Variants in KIF17 observed in about 807,000 individuals in gnomAD.
The protein encoded by KIF17 is kinesin family member 17.
A neutral mutation model predicts 96.8 loss-of-function variants in KIF17; 80 were observed. The ratio of observed to expected loss-of-function variants is 0.83; its 90% CI spans 0.69 to 1.00. The LOEUF (loss-of-function observed/expected upper bound fraction) is 1.00. Among genes scored for constraint, KIF17 ranks in the 50% least tolerant of loss-of-function variants. The pLI, the probability that KIF17 is intolerant of heterozygous loss-of-function variation, is 0.00. For synonymous variants in KIF17, 567 were observed against 587.5 expected, an observed-to-expected ratio of 0.97 and a Z score of 0.51; for missense variants, 1,280 against 1,372.9, an observed-to-expected ratio of 0.93 and a Z score of 1.07.
intron 3 of KIF17, among the ~76,000 whole-genome samples, chr1:20,712,758 T>TC (rs1412260383): frequency 2.5e-5 from 1 of 40,114 alleles, no homozygotes; most frequent in Non-Finnish European, 5.7e-5. Context: ...TAAAATTATA[T>TC]TATATCTATA....
chr1:20,680,950 C>T (rs931493716), intron 11 of KIF17, among the ~76,000 whole-genome samples: 11 of 151,650 alleles, frequency 7.3e-5, no homozygotes, highest in African/African-American at 1.9e-4. Context: ...AGTGAAACCC[C>T]GTCTCTACTA....
In KIF17 at chr1:20,684,964, G is replaced by A. The variant is rs369388105; in HGVS notation, c.2076C>T (p.Gly692=). The change falls in exon 10 of 15, where the codon GGC becomes GGT. Residue 692 remains glycine (G), a synonymous_variant. Transcript: ENST00000400463. ...ALEVVRTAEP[G]VWLEAQAPVA... is the part of the protein sequence containing the mutation. ...CCGGGGCCTGAGCCTCCAACCACACGCCAGGCTCTGCTGTCCGCACCACCT... is the reference window on the plus strand; with the variant it reads ...CCGGGGCCTGAGCCTCCAACCACACACCAGGCTCTGCTGTCCGCACCACCT... 5.8e-5 allele frequency: 93 copies of A among 1,605,194 alleles called. No individual in the cohort carries two copies. Among genetic ancestry groups the A allele is most frequent in the African/African-American group, 1.3e-4 (10 of 74,722 alleles).
chr1:20,684,743 A>T, intron 10 of KIF17, 66 bp downstream of exon 10: 3 of 1,477,692 alleles, frequency 2.0e-6, no homozygotes, highest in Non-Finnish European at 2.8e-6. Context: ...CCCCGCCTCC[A>T]TCCTGGAAGG....
Position 20,709,616 on chromosome 1 carries a change from C to T in KIF17, c.670+23G>A, listed in dbSNP as rs201499087. The T allele has an allele frequency of 5.0e-5, 80 of 1,613,368 alleles. 2 individuals are homozygous for T. The Admixed American group carries it at 1.3e-3, about 27-fold the overall frequency. ...AGTGGCTGGGTCATCTGTCCCCCTGCCCCCAACAATGGCCTCGCATACCCA... is the reference window on the plus strand; with the variant it reads ...AGTGGCTGGGTCATCTGTCCCCCTGTCCCCAACAATGGCCTCGCATACCCA... On this transcript the variant is annotated intron_variant, in intron 4 of 14. Coordinates refer to ENST00000400463, the MANE Select transcript of KIF17 (RefSeq NM_001122819.3). This position sits in a 1 kb window ranked among gnomAD's most constrained non-coding sequence, Gnocchi z 4.7.
Position 20,672,168 on chromosome 1 carries a change from T to C in KIF17, c.2492A>G (p.Asp831Gly), listed in dbSNP as rs1557582957. 11 of 1,614,128 alleles carry C rather than the reference T, an allele frequency of 6.8e-6. No homozygotes were observed. Among genetic ancestry groups the C allele is most frequent in the Non-Finnish European group, 8.5e-6 (10 of 1,180,018 alleles). The change falls in exon 12 of 15, where the codon GAT (aspartate) becomes GGT (glycine). Residue 831 changes from aspartate to glycine, a missense_variant. Asp to Gly is a moderately conservative substitution (Grantham distance 94). Coordinates refer to ENST00000400463, the MANE Select transcript of KIF17 (RefSeq NM_001122819.3). This position sits in a 1 kb window ranked among gnomAD's most constrained non-coding sequence, Gnocchi z 4.3. ...CTCCAGCTGAAACTCGGACTGCAGA[T>C]CTTTGATCTCCACCTCTGCTGCCCG... ...KLRAAEVEIK[D>G]LQSEFQLEKI...
Position 20,670,448 on chromosome 1 carries a change from A to G in KIF17, c.2763T>C (p.Ser921=). Residue 921 remains serine (S), a synonymous_variant, in exon 13 of 15, where the codon TCT becomes TCC. Transcript: ENST00000400463. The part of the protein sequence containing the change: ...GPQNKPARKT[S]AADNGEPNME... ...TGTTCGGCTCGCCATTGTCTGCTGC[A>G]GAGGTTTTGCGGGCTGGTTTGTTCT... 1 of 1,614,038 alleles carries G rather than the reference A, an allele frequency of 6.2e-7. No individual in the cohort carries two copies. Among genetic ancestry groups the G allele is most frequent in the Non-Finnish European group, 8.5e-7 (1 of 1,180,028 alleles).
intron 11 of KIF17, among the ~76,000 whole-genome samples, chr1:20,681,485 C>A (rs1210711764): frequency 6.6e-6 from 1 of 152,064 alleles, no homozygotes; most frequent in African/African-American, 2.4e-5. Flanking sequence ...AGCCACCGCG[C>A]CCAGCCAAAA....
chr1:20,702,964 G>C (rs566097699), intron 5 of KIF17, among the ~76,000 whole-genome samples: 15 of 152,354 alleles, frequency 9.8e-5, no homozygotes, highest in Admixed American at 7.2e-4. Context: ...TCCACACAGA[G>C]GAGCAGCTCA....
rs1317193090 is a variant in KIF17, at chr1:20,712,705, ATC to A, written c.480+747_480+748del. ...ATCTATATATAATATAGATAATATT[ATC>A]TATATATAAAATTATATTATATCTA... On this transcript the variant is annotated intron_variant, in intron 3 of 14. Coordinates refer to ENST00000400463, the MANE Select transcript of KIF17 (RefSeq NM_001122819.3). Among the ~76,000 whole-genome samples the A allele has an allele frequency of 2.2e-4, 17 of 77,158 alleles. 1 individual carries two copies. The highest frequency in any genetic ancestry group is 8.3e-4 in the African/African-American group (16 of 19,392). 50.6% of individuals were successfully genotyped at this position (77,158 alleles called of 152,430 possible). A position where few individuals can be genotyped will look rare whatever the true frequency, so the allele number is the denominator to read the frequency against.
Position 20,690,352 on chromosome 1 carries a change from G to GGCGCC in KIF17, c.1234-18_1234-17insGGCGC. Reference sequence around the variant, plus strand: ...TTCATACTCCTGGGGGGGTGGGAGGGACCAGAGGGCAGGCAGCATTTTATC... The same window carrying GGCGCC: ...TTCATACTCCTGGGGGGGTGGGAGGGGCGCCACCAGAGGGCAGGCAGCATTTTATC... On this transcript the variant is annotated splice_polypyrimidine_tract_variant and intron_variant, in intron 6 of 14. Coordinates refer to ENST00000400463, the MANE Select transcript of KIF17 (RefSeq NM_001122819.3). 4.4e-6 allele frequency: 2 copies of GGCGCC among 451,136 alleles called. No homozygotes were observed. The highest frequency in any genetic ancestry group is 8.5e-6 in the Non-Finnish European group (2 of 235,116). The allele number at this position is 451,136 out of a possible 1,614,324, so 27.9% of individuals were successfully genotyped here. A position where few individuals can be genotyped will look rare whatever the true frequency, so the allele number is the denominator to read the frequency against.
At chr1:20,669,561 T>TAATA (rs1290472725) in intron 13 of KIF17, among the ~76,000 whole-genome samples, 1 of 113,960 alleles carries the variant, frequency 8.8e-6, no homozygotes, top group Non-Finnish European at 1.9e-5. Context: ...ATAATAATAA[T>TAATA]AATAAATAAA....
Position 20,700,388 on chromosome 1 carries a change from G to T in KIF17, c.1124-1900C>A, listed in dbSNP as rs552083307. On this transcript the variant is annotated intron_variant, in intron 5 of 14. Coordinates refer to ENST00000400463, the MANE Select transcript of KIF17 (RefSeq NM_001122819.3). The surrounding 1 kb of genome is among the most constrained non-coding windows in gnomAD (Gnocchi z 4.6). ...GCCCGGCCAGGCTGTAGCCAGTTTTGAAGGTGGAGATGGCAGGATCTGCTG... is the reference window on the plus strand; with the variant it reads ...GCCCGGCCAGGCTGTAGCCAGTTTTTAAGGTGGAGATGGCAGGATCTGCTG... Among the ~76,000 whole-genome samples the T allele has an allele frequency of 7.2e-5, 11 of 152,150 alleles. No homozygotes were observed. Among genetic ancestry groups the T allele is most frequent in the Non-Finnish European group, 1.6e-4 (11 of 68,038 alleles).
intron 11 of KIF17, among the ~76,000 whole-genome samples, chr1:20,679,601 G>C (rs544774886): frequency 6.6e-6 from 1 of 152,182 alleles, no homozygotes; most frequent in Non-Finnish European, 1.5e-5. Flanking sequence ...CATTCCACGC[G>C]TGAGAGGGAC....
At chr1:20,677,275 A>G (rs1289211461) in intron 11 of KIF17, among the ~76,000 whole-genome samples, 1 of 152,234 alleles carries the variant, frequency 6.6e-6, no homozygotes, top group Non-Finnish European at 1.5e-5. Context: ...ACATGGATAC[A>G]TGCTAGTGGA....
chr1:20,703,274 T>C (rs553615778), intron 5 of KIF17, among the ~76,000 whole-genome samples: 1 of 151,388 alleles, frequency 6.6e-6, no homozygotes, highest in Admixed American at 6.6e-5. Context: ...GGAAGATCGA[T>C]GAATAGATGG....
downstream of KIF17, among the ~76,000 whole-genome samples, chr1:20,663,595 C>A (rs565772337): frequency 6.6e-6 from 1 of 152,148 alleles, no homozygotes; most frequent in African/African-American, 2.4e-5. Context: ...GATTGTGGAG[C>A]CCCCCACAGG....
chr1:20,688,460 C>A (rs1297256409), intron 7 of KIF17, among the ~76,000 whole-genome samples: 1 of 152,212 alleles, frequency 6.6e-6, no homozygotes, highest in African/African-American at 2.4e-5. Context: ...GAACCCAAAC[C>A]CTACCACCTT....
Position 20,690,352 on chromosome 1 carries a change from G to GGGCGCCA in KIF17, c.1234-18_1234-17insTGGCGCC. The GGGCGCCA allele has an allele frequency of 2.2e-6, 1 of 451,172 alleles. No individual in the cohort carries two copies. Among genetic ancestry groups the GGGCGCCA allele is most frequent in the Non-Finnish European group, 4.3e-6 (1 of 235,150 alleles). The allele number at this position is 451,172 out of a possible 1,614,324, so 27.9% of individuals were successfully genotyped here. A position where few individuals can be genotyped will look rare whatever the true frequency, so the allele number is the denominator to read the frequency against. ...TTCATACTCCTGGGGGGGTGGGAGG[G>GGGCGCCA]ACCAGAGGGCAGGCAGCATTTTATC... On this transcript the variant is annotated splice_polypyrimidine_tract_variant and intron_variant, in intron 6 of 14. Coordinates refer to ENST00000400463, the MANE Select transcript of KIF17 (RefSeq NM_001122819.3).
At chr1:20,684,538 T>A (rs1474953654) in intron 10 of KIF17, among the ~76,000 whole-genome samples, 1 of 152,052 alleles carries the variant, frequency 6.6e-6, no homozygotes, top group Non-Finnish European at 1.5e-5. Flanking sequence ...GGGGCTTGGC[T>A]GGGATGGGAG....
Sources: gnomAD v4.1 joint callset for allele counts (sites outside exome capture counted in the v4.1 genomes callset) on GRCh38, gnomAD v4.1.1 for gene constraint, Gnocchi (gnomAD v3.1) non-coding constraint, MANE v1.5 for transcripts, NCBI Gene and HGNC (gene_info 2026-07-23, HGNC 2026-07-21) for gene names.